MROH1: variants seen among roughly 807,000 people sequenced by gnomAD.
The protein encoded by MROH1 is maestro heat like repeat family member 1.
A neutral mutation model predicts 116.5 loss-of-function variants in MROH1; 117 were observed. That is an observed-to-expected ratio of 1.00 (90% CI 0.86 to 1.17). The LOEUF is 1.17. MROH1 is among the 50% of genes most tolerant of loss of function. MROH1 has a pLI of 0.00. For missense variants in MROH1, 1,873 were observed against 1,338.5 expected (o/e 1.40, Z -6.23); for synonymous variants, 921 against 583.9 (o/e 1.58, Z -8.32).
At chr8:144,167,476 G>GGAGTGGCTGGTTGTTGGGTA (rs1821209542) in intron 3 of MROH1, among the ~76,000 whole-genome samples, 1 of 132,998 alleles carries the variant, frequency 7.5e-6, no homozygotes, top group Non-Finnish European at 1.7e-5. Flanking sequence ...CAGTTGGGGT[G>GGAGTGGCTGGTTGTTGGGTA]GAGTGGCCGG....
chr8:144,162,166 C>A (rs762259211), intron 2 of MROH1, among the ~76,000 whole-genome samples: 26 of 150,474 alleles, frequency 1.7e-4, no homozygotes, highest in Non-Finnish European at 3.1e-4. Flanking sequence ...CTCACTGCGA[C>A]CTCCACCTCC....
At chr8:144,251,881 T>C (rs1223250161) in intron 33 of MROH1, 1 of 172,288 alleles carries the variant, frequency 5.8e-6, no homozygotes, top group Admixed American at 6.4e-5. Context: ...GCGATTGTGC[T>C]GTGTGGTGGG....
At chr8:144,202,644 T>TCTGTGTGGAGTA (rs1831551064) in intron 12 of MROH1, among the ~76,000 whole-genome samples, 1 of 60,526 alleles carries the variant, frequency 1.7e-5, no homozygotes, top group African/African-American at 4.9e-5. Context: ...GAGCGCAGGC[T>TCTGTGTGGAGTA]CTCTGTGGAG....
chr8:144,188,548 C>A (rs1449392468), intron 7 of MROH1, among the ~76,000 whole-genome samples: 2 of 149,080 alleles, frequency 1.3e-5, no homozygotes, highest in African/African-American at 5.0e-5. Context: ...CTCACTGCAA[C>A]CTCTGCCTCC....
Position 144,259,937 on chromosome 8 carries a change from C to T in MROH1, c.4071C>T (p.Asp1357=), listed in dbSNP as rs1844685457. Residue 1357 remains aspartate (D), a synonymous_variant, in exon 38 of 44, where the codon GAC becomes GAT. Transcript: ENST00000326134. ...TGCTGAACAGCAACGTGGCCAACGA[C>T]CTCATGCTCTTGGACTCGCTGCTGG... is the stretch of plus-strand genomic sequence containing the variant. ...AELLNSNVAN[D]LMLLDSLLES... 1.1e-5 allele frequency: 8 copies of T among 743,280 alleles called. No individual in the cohort carries two copies. The highest frequency in any genetic ancestry group is 4.3e-5 in the South Asian group (3 of 69,720). The allele number at this position is 743,280 out of a possible 1,614,324, so 46.0% of individuals were successfully genotyped here.
intron 33 of MROH1, among the ~76,000 whole-genome samples, chr8:144,254,019 C>G (rs1029436736): frequency 1.3e-5 from 2 of 152,228 alleles, no homozygotes; most frequent in South Asian, 4.1e-4. Flanking sequence ...TCTGAAAACC[C>G]CAACCTACTC....
At chr8:144,254,723 C>T (rs940712895) in intron 33 of MROH1, 90 bp from the exon 34 acceptor site, 67 of 670,562 alleles carry the variant, frequency 1.0e-4, no homozygotes, top group Admixed American at 5.7e-4. Context: ...GTCTGAGCGT[C>T]GTGGAGCCAG....
intron 12 of MROH1, among the ~76,000 whole-genome samples, chr8:144,209,435 C>A (rs1166944277): frequency 6.6e-6 from 1 of 151,658 alleles, no homozygotes; most frequent in African/African-American, 2.4e-5. Flanking sequence ...AAAAAATTAG[C>A]TGGGCGTGGT....
intron 12 of MROH1, among the ~76,000 whole-genome samples, chr8:144,205,616 G>A (rs1249800199): frequency 2.0e-5 from 3 of 151,952 alleles, no homozygotes; most frequent in African/African-American, 7.3e-5. Context: ...GCTATTCTGA[G>A]TTGATTTCCC....
chr8:144,167,525 C>T (rs34953352), intron 3 of MROH1, among the ~76,000 whole-genome samples: 30 of 131,118 alleles, frequency 2.3e-4, no homozygotes, highest in Middle Eastern at 4.2e-3. Flanking sequence ...GTGGAGTGGC[C>T]GGTTGTGGGG....
At chr8:144,244,159 G>A (rs2132994450) in intron 26 of MROH1, 63 bp from the exon 27 acceptor site, 8 of 710,566 alleles carry the variant, frequency 1.1e-5, no homozygotes, top group Non-Finnish European at 2.1e-5. Flanking sequence ...AGGCCTGGAG[G>A]TTACTGGGTG....
At chr8:144,214,644 T>C (rs1301739889) in intron 12 of MROH1, among the ~76,000 whole-genome samples, 2 of 152,172 alleles carry the variant, frequency 1.3e-5, no homozygotes, top group Non-Finnish European at 2.9e-5. Flanking sequence ...GTGTTCTGCA[T>C]TCTCGTGTGG....
At chr8:144,212,419 G>A (rs922438864) in intron 12 of MROH1, among the ~76,000 whole-genome samples, 3 of 151,784 alleles carry the variant, frequency 2.0e-5, no homozygotes, top group Non-Finnish European at 4.4e-5. Flanking sequence ...GTCTGTTTCT[G>A]GAGGGCTCAT....
intron 43 of MROH1, 116 bp from the exon 44 acceptor site, chr8:144,261,539 T>A (rs1029378885): frequency 1.2e-5 from 8 of 689,722 alleles, no homozygotes; most frequent in Non-Finnish European, 2.1e-5. Context: ...GGAAAAACGA[T>A]CTTTCCGTTG....
At chr8:144,248,381 A>G (rs1842271655) in intron 31 of MROH1, among the ~76,000 whole-genome samples, 1 of 152,184 alleles carries the variant, frequency 6.6e-6, no homozygotes, top group South Asian at 2.1e-4. Flanking sequence ...CCCAAGCTGG[A>G]ACACGGCCTG....
In MROH1 at chr8:144,225,357, T is replaced by A. The variant is rs184021094; in HGVS notation, c.1338+2127T>A. Among the ~76,000 whole-genome samples the A allele has an allele frequency of 3.3e-3, 499 of 152,290 alleles. 8 individuals are homozygous for A. The highest frequency in any genetic ancestry group is 7.8e-4 in the Non-Finnish European group (53 of 68,022). On this transcript the variant is annotated intron_variant, in intron 14 of 43. Transcript: ENST00000326134. ...TAATACATATTGTTTTGTTCTTGAA[T>A]AGAGACAGCCTGTGTTACCCAGGCT...
At chr8:144,249,841 G>A (rs898459985) in intron 32 of MROH1, among the ~76,000 whole-genome samples, 24 of 152,190 alleles carry the variant, frequency 1.6e-4, no homozygotes, top group African/African-American at 2.9e-4. Flanking sequence ...TCCTGCCTCC[G>A]GTGGGCCTGC....
intron 13 of MROH1, among the ~76,000 whole-genome samples, chr8:144,221,837 C>T (rs577707778): frequency 8.5e-5 from 13 of 152,246 alleles, no homozygotes; most frequent in South Asian, 6.2e-4. Context: ...GGGAAGCCTC[C>T]TCGGGGTGGG....
At chr8:144,213,427 G>T (rs1452491554) in intron 12 of MROH1, 4 of 246,640 alleles carry the variant, frequency 1.6e-5, no homozygotes, top group Non-Finnish European at 2.3e-5. Flanking sequence ...GCAGAGAGTT[G>T]CCAGATTTAG....
Sources: gnomAD v4.1 joint callset for allele counts (sites outside exome capture counted in the v4.1 genomes callset) on GRCh38, gnomAD v4.1.1 for gene constraint, MANE v1.5 for transcripts, NCBI Gene and HGNC (gene_info 2026-07-23, HGNC 2026-07-21) for gene names.